Variants in GRIP1 observed in about 807,000 individuals in gnomAD.
GRIP1 encodes the protein glutamate receptor interacting protein 1.
A neutral mutation model predicts 129.9 loss-of-function variants in GRIP1; 45 were observed. The ratio of observed to expected loss-of-function variants is 0.35; its 90% CI spans 0.27 to 0.44. GRIP1 has a LOEUF of 0.44. GRIP1 is among the 20% of genes least tolerant of loss of function. GRIP1 has a pLI of 1.00. For synonymous variants in GRIP1, 530 were observed against 520.8 expected (o/e 1.02, Z -0.24); for missense variants, 1,196 against 1,396.8 (o/e 0.86, Z 2.29).
intron 2 of GRIP1, among the ~76,000 whole-genome samples, chr12:66,576,316 TA>T (rs1225572964): frequency 6.6e-6 from 1 of 152,212 alleles, no homozygotes; most frequent in Non-Finnish European, 1.5e-5. Flanking sequence ...CATGCATGGG[TA>T]AAAGGCAAGA....
chr12:66,427,575 G>T (rs1188181860), intron 14 of GRIP1, among the ~76,000 whole-genome samples: 1 of 152,090 alleles, frequency 6.6e-6, no homozygotes, highest in Non-Finnish European at 1.5e-5. Context: ...GTTCCCCATA[G>T]AAACTAAAAG....
At chr12:66,881,251 T>C (rs2040474042) in intron 1 of GRIP1, among the ~76,000 whole-genome samples, 1 of 151,502 alleles carries the variant, frequency 6.6e-6, no homozygotes, top group Non-Finnish European at 1.5e-5. Flanking sequence ...AGAGCTTCCT[T>C]TTTTTCTGGA....
chr12:66,638,171 C>T (rs1224366362), intron 1 of GRIP1, among the ~76,000 whole-genome samples: 1 of 152,042 alleles, frequency 6.6e-6, no homozygotes, highest in Admixed American at 6.6e-5. Context: ...GGGGTGAGAG[C>T]GATGGCAAGT....
chr12:67,010,744 C>G lies in GRIP1; in HGVS notation c.58+58306G>C, dbSNP rs180689058. The stretch of plus-strand genomic sequence containing the variant: ...ATCTGAGTGCAGAAAGCGGGGACAC[C>G]GAGCCCCACACCACAGGTCCTGTGC... On this transcript the variant is annotated intron_variant, in intron 1 of 1. Coordinates refer to the GRIP1 transcript ENST00000643019. Among the ~76,000 whole-genome samples the G allele has an allele frequency of 5.2e-4, 79 of 152,196 alleles. 1 individual carries two copies. The highest frequency in any genetic ancestry group is 2.5e-4 in the Non-Finnish European group (17 of 68,006).
At chr12:66,511,918 A>G (rs2060709729) in intron 7 of GRIP1, among the ~76,000 whole-genome samples, 1 of 152,092 alleles carries the variant, frequency 6.6e-6, no homozygotes, top group Non-Finnish European at 1.5e-5. Context: ...GTAATCCCAC[A>G]TGTTGCTGGA....
At chr12:66,732,433 G>T (rs2036467633) in intron 1 of GRIP1, among the ~76,000 whole-genome samples, 1 of 152,036 alleles carries the variant, frequency 6.6e-6, no homozygotes, top group Admixed American at 6.6e-5. Context: ...CACACCTGTA[G>T]TCCCAGTTAC....
rs368936496 is a variant in GRIP1, at chr12:66,445,478, G to A, written c.1385C>T (p.Ala462Val). The change falls in exon 12 of 25, where the codon GCT (alanine) becomes GTT (valine). Residue 462 changes from alanine to valine, a missense_variant. Around this residue, in one of 5 missense-constraint regions of GRIP1, gnomAD observed 508 missense variants for 587.0 expected, o/e 0.87. Transcript: ENST00000359742. Reference sequence around the variant, plus strand: ...GGTTTCTGTGTGAACAACCTGCCCAGCCAATCCTACTGTGCTGGAGGCTAA... The same window carrying A: ...GGTTTCTGTGTGAACAACCTGCCCAACCAATCCTACTGTGCTGGAGGCTAA... ...LSLASSTVGL[A>V]GQVVHTETTE... 4 of 1,613,778 alleles carry A rather than the reference G, an allele frequency of 2.5e-6. No individual in the cohort carries two copies. The South Asian group carries it at 3.3e-5, about 13-fold the overall frequency.
At chr12:66,525,439 A>C (rs1436636243) in intron 5 of GRIP1, among the ~76,000 whole-genome samples, 2 of 152,234 alleles carry the variant, frequency 1.3e-5, no homozygotes, top group Non-Finnish European at 2.9e-5. Context: ...CCACATGATT[A>C]TCTCAATAGA....
At chr12:67,037,329 A>AAATAATAATAATGATAATAAT (rs2043112375) in intron 1 of GRIP1, 1 of 139,188 alleles carries the variant, frequency 7.2e-6, no homozygotes, top group East Asian at 2.1e-4. Context: ...CTCTGCCTGA[A>AAATAATAATAATGATAATAAT]AATAATAATA....
In GRIP1 at chr12:66,750,726, A is replaced by T. The variant is rs552230094; in HGVS notation, c.-420+53327T>A. 3.9e-5 allele frequency among the ~76,000 whole-genome samples: 6 copies of T among 152,328 alleles called. No individual in the cohort carries two copies. In the South Asian group the frequency reaches 1.2e-3, roughly 32 times the overall value. The stretch of plus-strand genomic sequence containing the variant: ...AAATCTGTTACATTAGAGGAGTGCC[A>T]AAGTCTCTACAGATCACAAAGAGAA... On this transcript the variant is annotated intron_variant, in intron 1 of 4. Coordinates refer to the GRIP1 transcript ENST00000538373.
chr12:66,380,410 G>A (rs1019505847), intron 19 of GRIP1, among the ~76,000 whole-genome samples: 2 of 152,168 alleles, frequency 1.3e-5, no homozygotes, highest in African/African-American at 4.8e-5. Context: ...ACTCAGAAGG[G>A]CAACGGATGT....
At chr12:66,461,814 A>C (rs570130265) in intron 9 of GRIP1, among the ~76,000 whole-genome samples, 13 of 152,266 alleles carry the variant, frequency 8.5e-5, no homozygotes, top group Admixed American at 6.5e-4. Context: ...TCATAAGCAA[A>C]ATTTCAATTT....
At chr12:66,906,926 A>T (rs569434068) in intron 1 of GRIP1, among the ~76,000 whole-genome samples, 1 of 152,216 alleles carries the variant, frequency 6.6e-6, no homozygotes, top group Non-Finnish European at 1.5e-5. Context: ...CTTAATGTCA[A>T]TATCTCACAT....
At chr12:66,778,479 G>A (rs572832081) in intron 1 of GRIP1, among the ~76,000 whole-genome samples, 22 of 152,204 alleles carry the variant, frequency 1.4e-4, no homozygotes, top group African/African-American at 4.1e-4. Context: ...CTACATAAAC[G>A]TAAACCATAT....
In GRIP1 at chr12:66,420,759, A is replaced by AG; in HGVS notation, c.1798dup (p.Leu600ProfsTer23). The AG allele has an allele frequency of 6.3e-7, 1 of 1,589,122 alleles. No homozygotes were observed. Among genetic ancestry groups the AG allele is most frequent in the Non-Finnish European group, 8.6e-7 (1 of 1,157,114 alleles). On this transcript the variant is annotated frameshift_variant, in exon 15 of 25. Coordinates refer to ENST00000359742, the MANE Select transcript of GRIP1 (RefSeq NM_001366722.1). LOFTEE classifies it high-confidence loss of function. The stretch of plus-strand genomic sequence containing the variant: ...CCCTTTCTTGATATCTGAAATGACG[A>AG]GGGGGTCTCCTGGTTTTCTACTGGA...
intron 1 of GRIP1, among the ~76,000 whole-genome samples, chr12:67,048,721 T>C (rs1253293328): frequency 1.3e-5 from 2 of 152,140 alleles, no homozygotes. Flanking sequence ...GGGTGGGTCT[T>C]TCCTGTGCTG....
At chr12:66,788,647 T>A (rs979833414) in intron 1 of GRIP1, among the ~76,000 whole-genome samples, 5 of 152,152 alleles carry the variant, frequency 3.3e-5, no homozygotes, top group Non-Finnish European at 7.4e-5. Context: ...TTGTTTGAGC[T>A]GCTCAGTGGA....
At chr12:66,825,397 G>A (rs958114511) in intron 1 of GRIP1, among the ~76,000 whole-genome samples, 3 of 152,068 alleles carry the variant, frequency 2.0e-5, no homozygotes, top group Non-Finnish European at 4.4e-5. Context: ...ATATTATTTC[G>A]TACAAAGGGC....
chr12:66,422,398 C>T (rs1662838810), intron 14 of GRIP1, among the ~76,000 whole-genome samples: 1 of 152,172 alleles, frequency 6.6e-6, no homozygotes, highest in East Asian at 1.9e-4. Context: ...GGCATATAAG[C>T]ATCCAGGATT....
Sources: allele counts gnomAD v4.1 joint callset (sites outside exome capture counted in the v4.1 genomes callset), GRCh38; gene constraint gnomAD v4.1.1; regional missense constraint gnomAD v4.1.1; transcripts MANE v1.5; gene names NCBI Gene and HGNC (gene_info 2026-07-23, HGNC 2026-07-21).